PRIM2: variants seen among roughly 807,000 people sequenced by gnomAD.
PRIM2 encodes the protein DNA primase subunit 2, also known as DNA primase large subunit.
In PRIM2, 39 loss-of-function variants were observed where a neutral mutation model predicts 67.3. That is an observed-to-expected ratio of 0.58 (90% CI 0.45 to 0.76). PRIM2 has a LOEUF of 0.76. Ranked by LOEUF, PRIM2 falls within the 30% of genes least tolerant of loss-of-function variation. The probability of loss-of-function intolerance (pLI) is 0.00; values close to 1 mark genes in which losing one functional copy is unlikely to be tolerated. For synonymous variants in PRIM2, 143 were observed against 198.7 expected (o/e 0.72, Z 2.36); for missense variants, 398 against 598.7 (o/e 0.66, Z 3.50).
rs554670586 is a variant in PRIM2, at chr6:57,369,081, C to T, written c.460-10820C>T. Among the ~76,000 whole-genome samples the T allele has an allele frequency of 9.4e-3, 1,436 of 152,324 alleles. 11 individuals carry two copies. Among genetic ancestry groups the T allele is most frequent in the Non-Finnish European group, 0.012 (849 of 68,028 alleles). On this transcript the variant is annotated intron_variant, in intron 5 of 13. Transcript: ENST00000615550. ...GGCCAAAGCAAGTCACTTGGCTACA[C>T]TTTAGTTCAGCAGGTAGGGGGTGTA...
intron 10 of PRIM2, among the ~76,000 whole-genome samples, chr6:57,581,703 A>G (rs1421061313): frequency 0.73 from 111,015 of 152,110 alleles, 41,368 homozygotes; most frequent in African/African-American, 0.89. Context: ...TCAGGGGCAG[A>G]AACTTACTTG....
intron 12 of PRIM2, among the ~76,000 whole-genome samples, chr6:57,617,229 C>T (rs2127496003): frequency 6.6e-6 from 1 of 152,286 alleles, no homozygotes; most frequent in East Asian, 1.9e-4. Flanking sequence ...TGGCTTCCTC[C>T]CTGTATGTCT....
chr6:57,232,758 C>T, the PRIM2 span, among the ~76,000 whole-genome samples: 1 of 152,178 alleles, frequency 6.6e-6, no homozygotes, highest in African/African-American at 2.4e-5. Flanking sequence ...TGCTCTCTCC[C>T]TGTTCTTCTT....
intron 13 of PRIM2, among the ~76,000 whole-genome samples, chr6:57,637,638 C>T (rs1161653356): frequency 4.6e-5 from 7 of 151,664 alleles, no homozygotes; most frequent in East Asian, 1.9e-4. Flanking sequence ...AATTGACAAG[C>T]GGAAGAACAG....
the PRIM2 span, among the ~76,000 whole-genome samples, chr6:57,237,936 T>C: frequency 3.3e-5 from 5 of 152,188 alleles, no homozygotes; most frequent in Non-Finnish European, 5.9e-5. Flanking sequence ...GGACAGACTT[T>C]AAACCAATGA....
chr6:57,432,551 G>A (rs1472087191), intron 7 of PRIM2, among the ~76,000 whole-genome samples: 2 of 151,070 alleles, frequency 1.3e-5, no homozygotes, highest in Non-Finnish European at 3.0e-5. Flanking sequence ...TTTAAAAAAA[G>A]TCCTTAGTGT....
chr6:57,592,034 T>A (rs1318511062), intron 10 of PRIM2, among the ~76,000 whole-genome samples: 5 of 151,866 alleles, frequency 3.3e-5, no homozygotes, highest in Admixed American at 6.6e-5. Context: ...TGGATGCAGC[T>A]GGAGGTCATT....
intron 7 of PRIM2, among the ~76,000 whole-genome samples, chr6:57,444,921 CT>C (rs1219522878): frequency 6.8e-6 from 1 of 147,500 alleles, no homozygotes; most frequent in Non-Finnish European, 1.5e-5. Flanking sequence ...CTCCTTGCTC[CT>C]TTTTTAAAGC....
chr6:57,501,289 T>G (rs1381871022), intron 7 of PRIM2, among the ~76,000 whole-genome samples: 2 of 152,140 alleles, frequency 1.3e-5, no homozygotes, highest in Non-Finnish European at 2.9e-5. Flanking sequence ...TAATTACTAT[T>G]GGATTTCAGT....
chr6:57,457,920 T>C (rs1402407049), intron 7 of PRIM2, among the ~76,000 whole-genome samples: 2 of 152,320 alleles, frequency 1.3e-5, no homozygotes, highest in African/African-American at 4.8e-5. Flanking sequence ...TATTCGGCCA[T>C]CTTCCTTGTT....
chr6:57,286,407 GAT>G, the PRIM2 span, among the ~76,000 whole-genome samples: 1 of 152,118 alleles, frequency 6.6e-6, no homozygotes, highest in African/African-American at 2.4e-5. Context: ...TACCAAAACA[GAT>G]ATATAGACAA....
At chr6:57,643,553 C>T (rs1777284019) in intron 13 of PRIM2, among the ~76,000 whole-genome samples, 1 of 152,198 alleles carries the variant, frequency 6.6e-6, no homozygotes, top group South Asian at 2.1e-4. Flanking sequence ...AACTATTTTA[C>T]AAACTGTAAA....
the PRIM2 span, among the ~76,000 whole-genome samples, chr6:57,252,377 T>G: frequency 6.6e-6 from 1 of 152,236 alleles, no homozygotes; most frequent in Non-Finnish European, 1.5e-5. Flanking sequence ...TATTATTATT[T>G]CCAAGATCAC....
At chr6:57,299,326 A>T in the PRIM2 span, among the ~76,000 whole-genome samples, 1 of 152,236 alleles carries the variant, frequency 6.6e-6, no homozygotes, top group Non-Finnish European at 1.5e-5. Flanking sequence ...ATTTCATATG[A>T]ATAAAAGAAA....
chr6:57,597,681 G>T, intron 10 of PRIM2, among the ~76,000 whole-genome samples: 1 of 152,156 alleles, frequency 6.6e-6, no homozygotes, highest in Non-Finnish European at 1.5e-5. Flanking sequence ...TCTTTCCCAG[G>T]TTTCTCTGCC....
chr6:57,414,300 A>T (rs1252780209), intron 7 of PRIM2, among the ~76,000 whole-genome samples: 2 of 152,166 alleles, frequency 1.3e-5, no homozygotes, highest in Admixed American at 6.5e-5. Flanking sequence ...AGAAACATAG[A>T]TCCATCTTGG....
intron 5 of PRIM2, among the ~76,000 whole-genome samples, chr6:57,357,022 C>CT (rs1181521736): frequency 6.6e-6 from 1 of 151,350 alleles, no homozygotes; most frequent in African/African-American, 2.4e-5. Context: ...CAACCTCGGC[C>CT]TCCTGGGTTC....
At chr6:57,604,936 C>T (rs1486686807) in intron 11 of PRIM2, among the ~76,000 whole-genome samples, 6 of 152,154 alleles carry the variant, frequency 3.9e-5, no homozygotes, top group Non-Finnish European at 8.8e-5. Flanking sequence ...GTGATCCGCC[C>T]GCCTCGGCTT....
Position 57,451,167 on chromosome 6 carries a change from G to A in PRIM2, c.694-56220G>A, listed in dbSNP as rs1436882283. 3.3e-5 allele frequency among the ~76,000 whole-genome samples: 5 copies of A among 152,172 alleles called. No individual in the cohort carries two copies. The East Asian group carries it at 5.8e-4, about 18-fold the overall frequency. ...ATTATTATTATTTTTTTGAGACAAA[G>A]TCTCACTCTGTTGCCCAGGCTGGAA... On this transcript the variant is annotated intron_variant, in intron 7 of 13. Transcript: ENST00000615550.
Sources: allele counts gnomAD v4.1 joint callset (sites outside exome capture counted in the v4.1 genomes callset), GRCh38; gene constraint gnomAD v4.1.1; transcripts MANE v1.5; gene names NCBI Gene and HGNC (gene_info 2026-07-23, HGNC 2026-07-21).